The following STAU2 variants were observed in gnomAD, a reference collection of about 807,000 sequenced individuals.
STAU2 encodes the protein staufen double-stranded RNA binding protein 2.
In STAU2, 20 loss-of-function variants were observed where a neutral mutation model predicts 65.9. The observed-to-expected ratio is 0.30, with a 90% CI of 0.21 to 0.44. STAU2 has a LOEUF of 0.44. Among genes scored for constraint, STAU2 ranks in the 20% least tolerant of loss-of-function variants. STAU2 has a pLI of 1.00. For synonymous variants in STAU2, 232 were observed against 233.9 expected (o/e 0.99, Z 0.07); for missense variants, 558 against 683.9 (o/e 0.82, Z 2.05).
intron 13 of STAU2, among the ~76,000 whole-genome samples, chr8:73,503,768 A>C (rs920608205): frequency 1.3e-5 from 2 of 152,060 alleles, no homozygotes; most frequent in South Asian, 4.1e-4. Context: ...AGAAAGTGAA[A>C]ATTTGTCTCT....
chr8:73,422,653 A>T lies in STAU2; in HGVS notation c.1580T>A (p.Ile527Asn). The change falls in exon 14 of 15, where the codon ATC becomes AAC. Residue 527 changes from isoleucine (I) to asparagine (N), a missense_variant. By Grantham distance (149) the Ile-to-Asn change is moderately radical. Coordinates refer to ENST00000524300, the MANE Select transcript of STAU2 (RefSeq NM_001164380.2). ...KQFSEQGLDP[I>N]DGAMNIEKGS... ...TTTTTCGATATTCATTGCTCCATCGATTGGATCCAGTCCTTGTTCAGAAAA... is the reference window on the plus strand; with the variant it reads ...TTTTTCGATATTCATTGCTCCATCGTTTGGATCCAGTCCTTGTTCAGAAAA... The T allele has an allele frequency of 6.6e-7, 1 of 1,514,128 alleles. No homozygotes were observed. The highest frequency in any genetic ancestry group is 8.8e-7 in the Non-Finnish European group (1 of 1,139,476). The allele number at this position is 1,514,128 out of a possible 1,614,324, so 93.8% of individuals were successfully genotyped here.
intron 13 of STAU2, among the ~76,000 whole-genome samples, chr8:73,479,472 G>GCGCACACACA (rs1554595263): frequency 1.4e-5 from 2 of 139,842 alleles, no homozygotes; most frequent in Non-Finnish European, 1.5e-5. Context: ...TCCCTATTCT[G>GCGCACACACA]CACACACACA....
At chr8:73,524,398 A>T (rs1180269019) in intron 13 of STAU2, among the ~76,000 whole-genome samples, 1 of 152,160 alleles carries the variant, frequency 6.6e-6, no homozygotes, top group Non-Finnish European at 1.5e-5. Flanking sequence ...GGGCATCATC[A>T]GCATATAGAT....
intron 9 of STAU2, among the ~76,000 whole-genome samples, chr8:73,606,037 C>A (rs565242379): frequency 2.2e-4 from 27 of 121,008 alleles, no homozygotes; most frequent in Non-Finnish European, 4.4e-4. Flanking sequence ...AAAAAAAAAT[C>A]TTCAAGCCAA....
At chr8:73,536,485 C>T (rs1455549593) in intron 13 of STAU2, among the ~76,000 whole-genome samples, 1 of 152,196 alleles carries the variant, frequency 6.6e-6, no homozygotes, top group Non-Finnish European at 1.5e-5. Context: ...CCTCCATCCC[C>T]AACAGCAAAA....
At chr8:73,721,316 G>C in intron 3 of STAU2, among the ~76,000 whole-genome samples, 1 of 47,038 alleles carries the variant, frequency 2.1e-5, no homozygotes, top group South Asian at 6.4e-4. Flanking sequence ...AAAAAAAAAA[G>C]TCCTTTATGG....
intron 13 of STAU2, among the ~76,000 whole-genome samples, chr8:73,424,331 G>A (rs1455880826): frequency 6.6e-6 from 1 of 150,738 alleles, no homozygotes; most frequent in Non-Finnish European, 1.5e-5. Context: ...CTCCCAAGTA[G>A]CTGGGACTGC....
intron 13 of STAU2, among the ~76,000 whole-genome samples, chr8:73,471,836 A>AAAAAAAAAG (rs1554594418): frequency 1.4e-5 from 2 of 145,732 alleles, no homozygotes; most frequent in Non-Finnish European, 3.0e-5. Flanking sequence ...AAAAAAAAAA[A>AAAAAAAAAG]AGAGAGAAGA....
At chr8:73,712,470 G>A (rs1037261401) in intron 3 of STAU2, among the ~76,000 whole-genome samples, 3 of 152,058 alleles carry the variant, frequency 2.0e-5, no homozygotes, top group Non-Finnish European at 4.4e-5. Flanking sequence ...GATTGAATGA[G>A]ATAATACCAA....
At chr8:73,630,180 A>G (rs1813981692) in intron 6 of STAU2, among the ~76,000 whole-genome samples, 1 of 152,246 alleles carries the variant, frequency 6.6e-6, no homozygotes, top group African/African-American at 2.4e-5. Flanking sequence ...CCTCTGGGGA[A>G]TGCACTATGT....
chr8:73,659,469 G>A (rs541249936), intron 6 of STAU2, among the ~76,000 whole-genome samples: 5 of 152,226 alleles, frequency 3.3e-5, no homozygotes, highest in African/African-American at 1.2e-4. Flanking sequence ...CCCGGGAGGC[G>A]GAGGTTGCAG....
chr8:73,642,814 T>C (rs1226898738), intron 6 of STAU2, among the ~76,000 whole-genome samples: 2 of 152,010 alleles, frequency 1.3e-5, no homozygotes, highest in Non-Finnish European at 2.9e-5. Flanking sequence ...CCTTGGCAAA[T>C]GAGAGAGAAC....
chr8:73,462,999 C>T (rs1224392771), intron 13 of STAU2, among the ~76,000 whole-genome samples: 3 of 152,162 alleles, frequency 2.0e-5, no homozygotes, highest in African/African-American at 7.2e-5. Flanking sequence ...TGGGAAAGCC[C>T]CTTCTTCTTC....
chr8:73,472,115 C>T (rs1441322702), intron 13 of STAU2, among the ~76,000 whole-genome samples: 2 of 151,940 alleles, frequency 1.3e-5, no homozygotes, highest in Non-Finnish European at 2.9e-5. Context: ...TAGGACAGGG[C>T]GGTAGTGTAC....
chr8:73,586,293 C>T (rs1810362348), intron 11 of STAU2, among the ~76,000 whole-genome samples: 2 of 152,168 alleles, frequency 1.3e-5, no homozygotes, highest in Admixed American at 6.5e-5. Flanking sequence ...ACACCTGGTA[C>T]ATTTAAAGAT....
At chr8:73,653,376 T>C (rs1198854480) in intron 6 of STAU2, 2 of 152,188 alleles carry the variant, frequency 1.3e-5, no homozygotes, top group African/African-American at 4.8e-5. Flanking sequence ...AATATTTCTA[T>C]CCAAAATTAC....
intron 5 of STAU2, among the ~76,000 whole-genome samples, chr8:73,687,364 A>AT (rs1208261832): frequency 5.6e-5 from 1 of 17,974 alleles, no homozygotes; most frequent in African/African-American, 2.9e-4. Flanking sequence ...TATAATATAA[A>AT]TATAATTTAT....
chr8:73,637,438 TG>T lies in STAU2; in HGVS notation c.411-19988del, dbSNP rs1385702005. On this transcript the variant is annotated intron_variant, in intron 6 of 14. Transcript: ENST00000524300. The stretch of plus-strand genomic sequence containing the variant: ...AAAAAATCTGAGGCCAGGAGACAAG[TG>T]GAACAACATCTTTAAAGTCTTTATA... 6.8e-5 allele frequency among the ~76,000 whole-genome samples: 7 copies of T among 102,190 alleles called. No homozygotes were observed. The East Asian group carries it at 1.9e-3, about 28-fold the overall frequency. The allele number at this position is 102,190 out of a possible 152,430, so 67.0% of individuals were successfully genotyped here. A position where few individuals can be genotyped will look rare whatever the true frequency, so the allele number is the denominator to read the frequency against.
At chr8:73,693,586 C>A (rs957692983) in intron 4 of STAU2, among the ~76,000 whole-genome samples, 26 of 151,840 alleles carry the variant, frequency 1.7e-4, no homozygotes, top group African/African-American at 6.3e-4. Context: ...TTACCACCAT[C>A]GACATGAACA....
Sources: allele counts gnomAD v4.1 joint callset (sites outside exome capture counted in the v4.1 genomes callset), GRCh38; gene constraint gnomAD v4.1.1; transcripts MANE v1.5; gene names NCBI Gene and HGNC (gene_info 2026-07-23, HGNC 2026-07-21).